Variants in TRABD2B observed in about 807,000 individuals in gnomAD.
TRABD2B encodes TraB domain containing 2B, also known as metalloprotease TIKI2.
In TRABD2B, 14 loss-of-function variants were observed where a neutral mutation model predicts 40.1. That is an observed-to-expected ratio of 0.35 (90% CI 0.23 to 0.55). The LOEUF (loss-of-function observed/expected upper bound fraction) is 0.55. TRABD2B is among the 20% of genes least tolerant of loss of function. The pLI is 0.90. For missense variants in TRABD2B, 541 were observed against 648.6 expected, an observed-to-expected ratio of 0.83 and a Z score of 1.80; for synonymous variants, 263 against 277.0, an observed-to-expected ratio of 0.95 and a Z score of 0.50.
chr1:47,862,610 T>G (rs932852101), intron 2 of TRABD2B, among the ~76,000 whole-genome samples: 2 of 152,164 alleles, frequency 1.3e-5, no homozygotes, highest in African/African-American at 4.8e-5. Flanking sequence ...TGGAGAGATA[T>G]TCCATGTTCA....
intron 6 of TRABD2B, among the ~76,000 whole-genome samples, chr1:47,774,110 C>G (rs778017394): frequency 2.6e-5 from 4 of 152,082 alleles, no homozygotes; most frequent in Middle Eastern, 3.2e-3. Context: ...CAGGTGTACA[C>G]GCAACATACA....
In TRABD2B at chr1:47,894,096, G is replaced by A. The variant is rs1363974216; in HGVS notation, c.667-92477C>T. Among the ~76,000 whole-genome samples the A allele has an allele frequency of 3.9e-5, 6 of 152,180 alleles. No individual in the cohort carries two copies. In the South Asian group the frequency reaches 8.3e-4, roughly 21 times the overall value. On this transcript the variant is annotated intron_variant, in intron 2 of 6. Transcript: ENST00000606738. ...CAAATACTATTATTGAGGGCTCGGC[G>A]CATGGGGAGGCACTGTTCTGTATGC...
intron 2 of TRABD2B, among the ~76,000 whole-genome samples, chr1:47,831,524 T>G (rs1049115194): frequency 6.6e-6 from 1 of 152,172 alleles, no homozygotes; most frequent in Non-Finnish European, 1.5e-5. Context: ...ACAGGGTGTG[T>G]GCTCTGGGCA....
At chr1:47,777,329 C>T (rs374435003) in intron 5 of TRABD2B, among the ~76,000 whole-genome samples, 2 of 152,194 alleles carry the variant, frequency 1.3e-5, no homozygotes, top group African/African-American at 4.8e-5. Flanking sequence ...TAAACTAATG[C>T]GTGCTGGGCC....
intron 2 of TRABD2B, among the ~76,000 whole-genome samples, chr1:47,866,174 C>T (rs552221791): frequency 6.6e-6 from 1 of 151,832 alleles, no homozygotes; most frequent in South Asian, 2.1e-4. Context: ...GGAAATCAGC[C>T]TCGGCATATA....
At chr1:47,862,189 C>A (rs1271436572) in intron 2 of TRABD2B, among the ~76,000 whole-genome samples, 1 of 152,116 alleles carries the variant, frequency 6.6e-6, no homozygotes, top group Admixed American at 6.5e-5. Flanking sequence ...AGGAACAAAG[C>A]AAGGATGTCC....
chr1:47,959,649 A>G (rs1355701115), intron 2 of TRABD2B, among the ~76,000 whole-genome samples: 4 of 152,254 alleles, frequency 2.6e-5, no homozygotes, highest in Non-Finnish European at 1.5e-5. Flanking sequence ...ACACCCTCCC[A>G]AGACTAAACC....
chr1:47,843,400 G>T (rs887118756), intron 2 of TRABD2B, among the ~76,000 whole-genome samples: 1 of 152,176 alleles, frequency 6.6e-6, no homozygotes, highest in African/African-American at 2.4e-5. Flanking sequence ...CCAACTGGAC[G>T]TAGGGCGAGA....
At chr1:47,923,949 C>T (rs995494119) in intron 2 of TRABD2B, among the ~76,000 whole-genome samples, 1 of 151,096 alleles carries the variant, frequency 6.6e-6, no homozygotes, top group African/African-American at 2.4e-5. Flanking sequence ...CACACACACA[C>T]ACACACACAC....
chr1:47,780,633 G>C (rs975183546), intron 4 of TRABD2B, among the ~76,000 whole-genome samples: 1 of 152,198 alleles, frequency 6.6e-6, no homozygotes, highest in Non-Finnish European at 1.5e-5. Flanking sequence ...CCTGGAGGGG[G>C]CACTGCTAGC....
intron 2 of TRABD2B, among the ~76,000 whole-genome samples, chr1:47,812,334 G>T (rs1408558826): frequency 2.0e-5 from 3 of 152,222 alleles, no homozygotes; most frequent in African/African-American, 7.2e-5. Flanking sequence ...AAAACACAGA[G>T]GTTGGGGGCC....
intron 2 of TRABD2B, among the ~76,000 whole-genome samples, chr1:47,828,950 T>G (rs1645213200): frequency 6.6e-6 from 1 of 152,148 alleles, no homozygotes; most frequent in Non-Finnish European, 1.5e-5. Context: ...ACACCTACTG[T>G]GCGTCTGCAT....
intron 5 of TRABD2B, among the ~76,000 whole-genome samples, chr1:47,777,811 C>G (rs1295789168): frequency 1.3e-5 from 2 of 152,190 alleles, no homozygotes; most frequent in Non-Finnish European, 2.9e-5. Context: ...GCTGACACCT[C>G]TCATGTCTGG....
intron 2 of TRABD2B, among the ~76,000 whole-genome samples, chr1:47,891,801 CAAACA>C (rs71056644): frequency 8.0e-5 from 12 of 150,484 alleles, no homozygotes; most frequent in Admixed American, 2.6e-4. Context: ...GACCCAATTT[CAAACA>C]AAACAAAACA....
At chr1:47,909,484 A>C (rs1644723124) in intron 2 of TRABD2B, among the ~76,000 whole-genome samples, 1 of 61,898 alleles carries the variant, frequency 1.6e-5, no homozygotes, top group Non-Finnish European at 3.5e-5. Flanking sequence ...GAGAAGGAGA[A>C]GGAGAAGGAG....
intron 2 of TRABD2B, among the ~76,000 whole-genome samples, chr1:47,916,076 CAA>C (rs1644826493): frequency 6.6e-6 from 1 of 151,192 alleles, no homozygotes. Context: ...CTAAAGGGGA[CAA>C]GAGAGGGGAA....
At chr1:47,946,768 G>T (rs771970505) in intron 2 of TRABD2B, among the ~76,000 whole-genome samples, 47 of 152,120 alleles carry the variant, frequency 3.1e-4, no homozygotes, top group Non-Finnish European at 5.6e-4. Context: ...AGTGAGTTAG[G>T]AAGTGTTCCC....
At chr1:47,902,703 G>A (rs1005177854) in intron 2 of TRABD2B, among the ~76,000 whole-genome samples, 1 of 152,082 alleles carries the variant, frequency 6.6e-6, no homozygotes, top group Non-Finnish European at 1.5e-5. Flanking sequence ...TGCCAGGCTG[G>A]TCTTGAACTC....
chr1:47,880,060 G>A (rs939910848), intron 2 of TRABD2B, among the ~76,000 whole-genome samples: 15 of 152,190 alleles, frequency 9.9e-5, no homozygotes, highest in African/African-American at 1.9e-4. Context: ...CTGTAATCCC[G>A]GCATTTTGGA....
Sources: gnomAD v4.1 joint callset for allele counts (sites outside exome capture counted in the v4.1 genomes callset) on GRCh38, gnomAD v4.1.1 for gene constraint, MANE v1.5 for transcripts, NCBI Gene and HGNC (gene_info 2026-07-23, HGNC 2026-07-21) for gene names.